Variants in TECRL observed in about 807,000 individuals in gnomAD.
TECRL encodes trans-2,3-enoyl-CoA reductase-like.
A neutral mutation model predicts 52.8 loss-of-function variants in TECRL; 63 were observed. That is an observed-to-expected ratio of 1.19 (90% CI 0.97 to 1.47). The LOEUF (loss-of-function observed/expected upper bound fraction) is 1.47, where lower values mean the gene tolerates loss of function less well. Ranked by LOEUF, TECRL falls within the 40% of genes most tolerant of loss-of-function variation. The probability of loss-of-function intolerance (pLI) is 0.00; values close to 1 mark genes in which losing one functional copy is unlikely to be tolerated. For missense variants in TECRL, 482 were observed against 429.6 expected, an observed-to-expected ratio of 1.12 and a Z score of -1.08; for synonymous variants, 164 against 141.9, an observed-to-expected ratio of 1.16 and a Z score of -1.10.
intron 1 of TECRL, among the ~76,000 whole-genome samples, chr4:64,408,208 C>CT (rs1724855682): frequency 6.6e-6 from 1 of 151,520 alleles, no homozygotes; most frequent in South Asian, 2.1e-4. Flanking sequence ...TTCTTTTTTC[C>CT]TTTTTTCTAA....
At chr4:64,396,873 G>A (rs1723992399) in intron 1 of TECRL, among the ~76,000 whole-genome samples, 1 of 152,024 alleles carries the variant, frequency 6.6e-6, no homozygotes, top group Admixed American at 6.6e-5. Flanking sequence ...TCTGCATATG[G>A]TTAGCCAGTT....
intron 2 of TECRL, among the ~76,000 whole-genome samples, chr4:64,369,541 C>A (rs1485724251): frequency 6.6e-6 from 1 of 151,922 alleles, no homozygotes; most frequent in Admixed American, 6.6e-5. Flanking sequence ...GGACTTCTGC[C>A]TGAAGAAATT....
At chr4:64,388,923 CT>C (rs767764177) in intron 1 of TECRL, among the ~76,000 whole-genome samples, 4 of 151,794 alleles carry the variant, frequency 2.6e-5, no homozygotes, top group African/African-American at 9.7e-5. Context: ...ACATGACTGA[CT>C]TTCATATATT....
Position 64,277,903 on chromosome 4 carries a change from C to T in TECRL, c.*2169G>A, listed in dbSNP as rs1355322721. The stretch of plus-strand genomic sequence containing the variant: ...TCACATAGAAACTCATACACACACA[C>T]ACATGCACATAGGCTTTCATAGAAG... On this transcript the variant is annotated 3_prime_UTR_variant, in exon 12 of 12. Transcript: ENST00000381210. 6.6e-6 allele frequency: 1 copy of T among 151,744 alleles called. No individual in the cohort carries two copies. Among genetic ancestry groups the T allele is most frequent in the African/African-American group, 2.4e-5 (1 of 41,378 alleles). 9.4% of individuals were successfully genotyped at this position (151,744 alleles called of 1,614,324 possible).
intron 1 of TECRL, among the ~76,000 whole-genome samples, chr4:64,379,229 C>A (rs1021077510): frequency 1.7e-5 from 2 of 116,664 alleles, no homozygotes; most frequent in Non-Finnish European, 3.4e-5. Flanking sequence ...TTTATTTATG[C>A]AAACACACAC....
intron 5 of TECRL, among the ~76,000 whole-genome samples, chr4:64,313,017 C>T (rs904413496): frequency 8.5e-5 from 13 of 152,066 alleles, no homozygotes; most frequent in Non-Finnish European, 2.9e-5. Flanking sequence ...CCCAGCCTTG[C>T]GGAACTGTGA....
intron 3 of TECRL, among the ~76,000 whole-genome samples, chr4:64,323,977 A>C (rs968837758): frequency 1.3e-5 from 2 of 152,098 alleles, no homozygotes; most frequent in Non-Finnish European, 2.9e-5. Flanking sequence ...AAAGTCATTA[A>C]CATTTAAAAC....
At chr4:64,296,134 T>C (rs532482000) in intron 8 of TECRL, among the ~76,000 whole-genome samples, 1 of 152,024 alleles carries the variant, frequency 6.6e-6, no homozygotes, top group South Asian at 2.1e-4. Context: ...CTGCTGAAAA[T>C]GAAAGCACTG....
intron 1 of TECRL, among the ~76,000 whole-genome samples, chr4:64,377,425 T>A (rs1577961605): frequency 6.6e-6 from 1 of 151,958 alleles, no homozygotes; most frequent in Non-Finnish European, 1.5e-5. Flanking sequence ...CATCAGGGAG[T>A]TTAGTTATCA....
intron 2 of TECRL, among the ~76,000 whole-genome samples, chr4:64,340,889 C>T (rs1338810750): frequency 2.6e-5 from 4 of 152,158 alleles, no homozygotes; most frequent in Admixed American, 2.0e-4. Context: ...AGGCCCCAGG[C>T]TCAGGCAGAG....
chr4:64,404,857 T>G (rs1031756123), intron 1 of TECRL, among the ~76,000 whole-genome samples: 1 of 152,124 alleles, frequency 6.6e-6, no homozygotes, highest in African/African-American at 2.4e-5. Context: ...TCAAATATTA[T>G]ACTCCTCCAT....
intron 6 of TECRL, among the ~76,000 whole-genome samples, chr4:64,307,998 A>G (rs1348536438): frequency 2.6e-5 from 4 of 152,118 alleles, no homozygotes; most frequent in Non-Finnish European, 5.9e-5. Flanking sequence ...TAGAATTAGG[A>G]CCACATGAGA....
intron 1 of TECRL, among the ~76,000 whole-genome samples, chr4:64,400,711 T>G (rs1724295010): frequency 6.6e-6 from 1 of 152,058 alleles, no homozygotes. Flanking sequence ...TAAAAGTGTG[T>G]GCCATCTCCC....
intron 4 of TECRL, among the ~76,000 whole-genome samples, chr4:64,316,170 C>G (rs1717482749): frequency 6.6e-6 from 1 of 151,956 alleles, no homozygotes. Flanking sequence ...AAGAATATAT[C>G]AGGAATATAA....
chr4:64,382,003 A>T (rs1722827368), intron 1 of TECRL, among the ~76,000 whole-genome samples: 1 of 151,786 alleles, frequency 6.6e-6, no homozygotes, highest in African/African-American at 2.4e-5. Context: ...TAGTATGAGA[A>T]AAATTATCAT....
chr4:64,383,675 C>T (rs955345280), intron 1 of TECRL, among the ~76,000 whole-genome samples: 2 of 151,650 alleles, frequency 1.3e-5, no homozygotes, highest in Non-Finnish European at 2.9e-5. Context: ...TTTTTGTGCT[C>T]TTTTATGTCT....
intron 1 of TECRL, among the ~76,000 whole-genome samples, chr4:64,403,518 T>C (rs1392577008): frequency 1.3e-5 from 2 of 148,956 alleles, no homozygotes; most frequent in African/African-American, 5.1e-5. Flanking sequence ...CTTAGTAAAT[T>C]ATTTTAGCCT....
chr4:64,337,940 T>TCATATGGAGC (rs1332926570), intron 2 of TECRL, among the ~76,000 whole-genome samples: 1 of 152,118 alleles, frequency 6.6e-6, no homozygotes, highest in Non-Finnish European at 1.5e-5. Flanking sequence ...ACCTTAAAGT[T>TCATATGGAGC]CATATGGAGC....
At chr4:64,404,877 A>G (rs17655767) in intron 1 of TECRL, among the ~76,000 whole-genome samples, 6,254 of 152,168 alleles carry the variant, frequency 0.041, 130 homozygotes, top group Non-Finnish European at 0.048. Flanking sequence ...TCTCAAAACT[A>G]TCACTACTGA....
Sources: gnomAD v4.1 joint callset for allele counts (sites outside exome capture counted in the v4.1 genomes callset) on GRCh38, gnomAD v4.1.1 for gene constraint, MANE v1.5 for transcripts, NCBI Gene and HGNC (gene_info 2026-07-23, HGNC 2026-07-21) for gene names.